Variants in PRDM11 observed in about 807,000 individuals in gnomAD.
PRDM11 encodes PR domain-containing protein 11.
Under a neutral mutation model 97.8 loss-of-function variants are expected in PRDM11, and 20 were observed. That is an observed-to-expected ratio of 0.20 (90% confidence interval 0.14 to 0.30). The LOEUF (loss-of-function observed/expected upper bound fraction) is 0.30, where lower values mean the gene tolerates loss of function less well. Ranked by LOEUF, PRDM11 falls within the 10% of genes least tolerant of loss-of-function variation. The pLI is 1.00. For synonymous variants in PRDM11, 599 were observed against 637.7 expected (o/e 0.94, Z 0.91); for missense variants, 1,139 against 1,555.2 (o/e 0.73, Z 4.50).
intron 4 of PRDM11, among the ~76,000 whole-genome samples, chr11:45,203,469 T>C (rs1050197640): frequency 6.7e-6 from 1 of 148,788 alleles, no homozygotes; most frequent in Non-Finnish European, 1.5e-5. Context: ...CCTCAGTAGA[T>C]GGGAGAAACC....
At chr11:45,173,157 AC>A (rs1027313919) in intron 1 of PRDM11, among the ~76,000 whole-genome samples, 4 of 152,082 alleles carry the variant, frequency 2.6e-5, no homozygotes, top group Admixed American at 2.6e-4. Context: ...GCTTAGATGA[AC>A]CTGAGCCCAG....
chr11:45,112,929 T>C (rs537764270), intron 1 of PRDM11, among the ~76,000 whole-genome samples: 1 of 152,368 alleles, frequency 6.6e-6, no homozygotes. Flanking sequence ...ATTATTTCTT[T>C]TGCTGTGCAG....
intron 1 of PRDM11, among the ~76,000 whole-genome samples, chr11:45,125,706 A>G (rs1852553109): frequency 6.6e-6 from 1 of 152,286 alleles, no homozygotes; most frequent in South Asian, 2.1e-4. Context: ...TTTGAGAGAC[A>G]GTTTGTTATA....
At chr11:45,115,660 T>C (rs1005291419) in intron 1 of PRDM11, among the ~76,000 whole-genome samples, 1 of 152,152 alleles carries the variant, frequency 6.6e-6, no homozygotes, top group Non-Finnish European at 1.5e-5. Context: ...CCAGGTGTGG[T>C]GGCTCATGCC....
At chr11:45,140,565 C>T (rs1851379610) in intron 1 of PRDM11, among the ~76,000 whole-genome samples, 1 of 152,230 alleles carries the variant, frequency 6.6e-6, no homozygotes, top group Non-Finnish European at 1.5e-5. Context: ...TACACACCTC[C>T]AGTAACAGGA....
intron 1 of PRDM11, among the ~76,000 whole-genome samples, chr11:45,141,386 A>T (rs1014161789): frequency 1.3e-5 from 2 of 152,162 alleles, no homozygotes; most frequent in African/African-American, 2.4e-5. Context: ...TCACTTCTGA[A>T]ATTAGTTTAT....
intron 1 of PRDM11, among the ~76,000 whole-genome samples, chr11:45,168,162 A>T (rs140702098): frequency 7.2e-5 from 11 of 152,276 alleles, no homozygotes; most frequent in African/African-American, 2.6e-4. Flanking sequence ...GCAGGGCAGG[A>T]TGGAACAGCG....
At chr11:45,203,526 C>A (rs1165587483) in intron 4 of PRDM11, among the ~76,000 whole-genome samples, 1 of 151,080 alleles carries the variant, frequency 6.6e-6, no homozygotes, top group Admixed American at 6.6e-5. Context: ...TGGAAGAGAG[C>A]TCTGAGATAT....
rs1467707882 is a variant in PRDM11 at position 45,226,597 on chromosome 11, C to T, written c.1972C>T (p.Leu658Phe). 1 of 1,533,858 alleles carries T rather than the reference C, an allele frequency of 6.5e-7. No homozygotes were observed. Among genetic ancestry groups the T allele is most frequent in the Non-Finnish European group, 8.7e-7 (1 of 1,146,742 alleles). The change falls in exon 8 of 8, where the codon CTC becomes TTC. Residue 658 changes from leucine (L) to phenylalanine (F), a missense_variant. Transcript: ENST00000683152. ...GGAGCGCATCCGCCAGTCACCTTGC[C>T]TCAGCGTCATCCTGGATGGGCAGAG... Reference protein sequence around the residue: ...LVERIRQSPCLSVILDGQSDD... With the variant: ...LVERIRQSPCFSVILDGQSDD...
At chr11:45,099,041 GTCT>G (rs1851928266) in intron 1 of PRDM11, among the ~76,000 whole-genome samples, 1 of 152,172 alleles carries the variant, frequency 6.6e-6, no homozygotes, top group Non-Finnish European at 1.5e-5. Flanking sequence ...CAGGAGGGAT[GTCT>G]AGCCAGAGGG....
chr11:45,208,892 T>C (rs12226640), intron 5 of PRDM11: 176,443 of 448,890 alleles, frequency 0.39, 36,140 homozygotes, highest in Non-Finnish European at 0.45. Flanking sequence ...CACACCTGGC[T>C]GAGCGTAAGA....
intron 1 of PRDM11, among the ~76,000 whole-genome samples, chr11:45,098,064 C>T (rs1851914804): frequency 6.6e-6 from 1 of 152,232 alleles, no homozygotes; most frequent in South Asian, 2.1e-4. Flanking sequence ...GAATTAGTCA[C>T]GTGACAGAGC....
intron 1 of PRDM11, among the ~76,000 whole-genome samples, chr11:45,096,341 C>T (rs558764553): frequency 6.6e-6 from 1 of 152,312 alleles, no homozygotes; most frequent in East Asian, 1.9e-4. Flanking sequence ...TGTGTGCAGG[C>T]ACCGTGCTGG....
chr11:45,111,075 C>T (rs1040303808), intron 1 of PRDM11, among the ~76,000 whole-genome samples: 23 of 152,120 alleles, frequency 1.5e-4, no homozygotes, highest in Non-Finnish European at 2.5e-4. Context: ...CTGGGACAGG[C>T]GACCACTTGC....
Position 45,227,361 on chromosome 11 carries a change from C to A in PRDM11, c.2736C>A (p.Ile912=), listed in dbSNP as rs760617886. 6.7e-5 allele frequency: 103 copies of A among 1,533,944 alleles called. No individual in the cohort carries two copies. In the East Asian group the frequency reaches 2.3e-3, roughly 35 times the overall value. ...TGGTGTCCCAGGTGGATGACAAGAT[C>A]GAGGAGGCCATCCAGGAGATCAGCC... The part of the protein sequence containing the change: ...YLLVSQVDDK[I]EEAIQEISRL... The change falls in exon 8 of 8, where the codon ATC becomes ATA. Residue 912 remains isoleucine (I), a synonymous_variant. Coordinates refer to ENST00000683152, the MANE Select transcript of PRDM11 (RefSeq NM_001384648.1). This position sits in a 1 kb window ranked among gnomAD's most constrained non-coding sequence, Gnocchi z 8.0.
rs1852565048 is a variant in PRDM11 at position 45,182,917 on chromosome 11, G to A, written c.280G>A (p.Val94Met). The change falls in exon 4 of 8, where the codon GTG becomes ATG. Residue 94 changes from valine to methionine, a missense_variant. Coordinates refer to ENST00000683152, the MANE Select transcript of PRDM11 (RefSeq NM_001384648.1). ...VDECPNHGPP[V>M]FVSDTPVPVG... ...TGAATGCCCAAACCATGGCCCCCCG[G>A]TGTTTGTGTCTGACACACCGGTGCC... 1.9e-6 allele frequency: 3 copies of A among 1,612,780 alleles called. No homozygotes were observed. The highest frequency in any genetic ancestry group is 2.5e-6 in the Non-Finnish European group (3 of 1,179,388).
At chr11:45,099,450 T>TAAAAAAAAAA (rs532403075) in intron 1 of PRDM11, among the ~76,000 whole-genome samples, 10 of 95,220 alleles carry the variant, frequency 1.1e-4, no homozygotes, top group African/African-American at 4.1e-4. Flanking sequence ...GACTCCATCT[T>TAAAAAAAAAA]AAAAAAAAAA....
Position 45,228,976 on chromosome 11 carries a change from AG to A in PRDM11, c.*821del, listed in dbSNP as rs1439627871. On this transcript the variant is annotated 3_prime_UTR_variant, in exon 8 of 8. Coordinates refer to ENST00000683152, the MANE Select transcript of PRDM11 (RefSeq NM_001384648.1). ...AGCTTGAAATCCTGGGGAAGGGAGA[AG>A]GGGTAAGCTTTTAGCATTCCTGTTT... 1 of 152,174 alleles carries A rather than the reference AG, an allele frequency of 6.6e-6. No homozygotes were observed. The highest frequency in any genetic ancestry group is 1.5e-5 in the Non-Finnish European group (1 of 68,042). 9.4% of individuals were successfully genotyped at this position (152,174 alleles called of 1,614,324 possible). A position where few individuals can be genotyped will look rare whatever the true frequency, so the allele number is the denominator to read the frequency against.
At chr11:45,131,043 A>G (rs1372028169) in intron 1 of PRDM11, among the ~76,000 whole-genome samples, 3 of 152,262 alleles carry the variant, frequency 2.0e-5, no homozygotes, top group African/African-American at 7.2e-5. Context: ...GTATAGTCAT[A>G]TAATGGGGAT....
Sources: gnomAD v4.1 joint callset for allele counts (sites outside exome capture counted in the v4.1 genomes callset) on GRCh38, gnomAD v4.1.1 for gene constraint, Gnocchi (gnomAD v3.1) non-coding constraint, MANE v1.5 for transcripts, NCBI Gene and HGNC (gene_info 2026-07-23, HGNC 2026-07-21) for gene names.